VPS37A: variants seen among roughly 807,000 people sequenced by gnomAD.
The protein encoded by VPS37A is vacuolar protein sorting-associated protein 37A.
Under a neutral mutation model 49.8 loss-of-function variants are expected in VPS37A, and 30 were observed. The observed-to-expected ratio is 0.60, with a 90% CI of 0.45 to 0.82. VPS37A has a LOEUF of 0.82. Among genes scored for constraint, VPS37A ranks in the 40% least tolerant of loss-of-function variants. The pLI is 0.00. For synonymous variants in VPS37A, 195 were observed against 160.6 expected (o/e 1.21, Z -1.62); for missense variants, 593 against 464.4 (o/e 1.28, Z -2.55).
intron 6 of VPS37A, among the ~76,000 whole-genome samples, chr8:17,277,443 G>C (rs751707432): frequency 1.3e-4 from 19 of 151,852 alleles, no homozygotes; most frequent in Non-Finnish European, 2.4e-4. Context: ...CTAGTATAAT[G>C]AGCCACCACG....
chr8:17,258,040 G>A (rs542736637), intron 1 of VPS37A, among the ~76,000 whole-genome samples: 2 of 151,918 alleles, frequency 1.3e-5, no homozygotes, highest in Non-Finnish European at 2.9e-5. Flanking sequence ...TTGTTTGTCT[G>A]TTTTTTTGGT....
At chr8:17,331,952 G>C in the VPS37A span, among the ~76,000 whole-genome samples, 1 of 152,166 alleles carries the variant, frequency 6.6e-6, no homozygotes, top group African/African-American at 2.4e-5. Flanking sequence ...GGGTCTCCAA[G>C]TGCAAACTAG....
chr8:17,308,321 C>G, the VPS37A span, among the ~76,000 whole-genome samples: 11 of 151,994 alleles, frequency 7.2e-5, no homozygotes, highest in African/African-American at 2.7e-4. Flanking sequence ...TAATAGAACC[C>G]CAAACTGAAA....
intron 4 of VPS37A, among the ~76,000 whole-genome samples, chr8:17,269,839 C>T (rs1230533840): frequency 2.0e-5 from 3 of 152,090 alleles, no homozygotes; most frequent in Non-Finnish European, 4.4e-5. Flanking sequence ...ACTAAAGATA[C>T]TGTTTTAGTC....
At chr8:17,290,824 G>T (rs765037112) in intron 11 of VPS37A, among the ~76,000 whole-genome samples, 2 of 152,030 alleles carry the variant, frequency 1.3e-5, no homozygotes, top group Non-Finnish European at 2.9e-5. Context: ...TTTTTTGGTT[G>T]GTGAGCTATT....
Position 17,274,746 on chromosome 8 carries a change from C to T in VPS37A, c.430C>T (p.Pro144Ser). 1 of 1,613,790 alleles carries T rather than the reference C, an allele frequency of 6.2e-7. No homozygotes were observed. The highest frequency in any genetic ancestry group is 8.5e-7 in the Non-Finnish European group (1 of 1,179,776). ...STAFPYLYSN[P>S]SGMSPYASQG... ...TTTTCTTTTCAGTCTATACAGTAAC[C>T]CAAGTGGGATGTCTCCTTATGCTTC... Residue 144 changes from proline (P) to serine (S), a missense_variant, in exon 5 of 12, where the codon CCA becomes TCA. Coordinates refer to ENST00000324849, the MANE Select transcript of VPS37A (RefSeq NM_152415.3).
At chr8:17,259,006 T>A (rs1288789778) in intron 1 of VPS37A, among the ~76,000 whole-genome samples, 1 of 152,102 alleles carries the variant, frequency 6.6e-6, no homozygotes, top group African/African-American at 2.4e-5. Context: ...CTAGTTCATC[T>A]AGCTAAAGGC....
At chr8:17,315,841 G>A in the VPS37A span, among the ~76,000 whole-genome samples, 3 of 152,086 alleles carry the variant, frequency 2.0e-5, no homozygotes, top group Admixed American at 2.0e-4. Context: ...GTGAGACTCA[G>A]GCTCTACAAA....
At chr8:17,252,570 C>T (rs780497008) in intron 1 of VPS37A, among the ~76,000 whole-genome samples, 7 of 152,158 alleles carry the variant, frequency 4.6e-5, no homozygotes, top group Middle Eastern at 3.2e-3. Context: ...TGTCCCCTGT[C>T]GTCTCTAACT....
At chr8:17,250,591 C>T (rs534937997) in intron 1 of VPS37A, among the ~76,000 whole-genome samples, 29 of 152,278 alleles carry the variant, frequency 1.9e-4, no homozygotes, top group African/African-American at 6.0e-4. Flanking sequence ...TTCTTCTGCT[C>T]TACTGAGTAA....
chr8:17,317,239 G>A, the VPS37A span, among the ~76,000 whole-genome samples: 1 of 152,186 alleles, frequency 6.6e-6, no homozygotes, highest in African/African-American at 2.4e-5. Flanking sequence ...CAGGATGCTG[G>A]CTGGCAGTGC....
chr8:17,330,272 C>T, the VPS37A span, among the ~76,000 whole-genome samples: 1 of 152,206 alleles, frequency 6.6e-6, no homozygotes, highest in African/African-American at 2.4e-5. Flanking sequence ...CATTCCAGAG[C>T]CTGCATTTCC....
At chr8:17,313,841 A>G in the VPS37A span, among the ~76,000 whole-genome samples, 1 of 152,226 alleles carries the variant, frequency 6.6e-6, no homozygotes, top group Admixed American at 6.5e-5. Flanking sequence ...ACTTCAGATT[A>G]GGACTGTTGT....
the VPS37A span, among the ~76,000 whole-genome samples, chr8:17,316,464 TA>T: frequency 0.33 from 47,266 of 143,294 alleles, 7,783 homozygotes; most frequent in South Asian, 0.5. Context: ...AACAGTACAG[TA>T]AAAAAAAAAA....
chr8:17,311,774 G>GC, the VPS37A span: 57 of 1,363,920 alleles, frequency 4.2e-5, no homozygotes, highest in Non-Finnish European at 4.4e-5. Context: ...TCTGTTTAGG[G>GC]CCCCCCCTAA....
chr8:17,297,609 C>G lies in VPS37A; in HGVS notation c.*2623C>G, dbSNP rs1816784748. The G allele has an allele frequency of 6.6e-6, 1 of 151,964 alleles. No homozygotes were observed. The highest frequency in any genetic ancestry group is 6.6e-5 in the Admixed American group (1 of 15,240). The allele number at this position is 151,964 out of a possible 1,614,324, so 9.4% of individuals were successfully genotyped here. A position where few individuals can be genotyped will look rare whatever the true frequency, so the allele number is the denominator to read the frequency against. On this transcript the variant is annotated 3_prime_UTR_variant, in exon 12 of 12. Transcript: ENST00000324849. ...TAAATTACTTGCATTCTATATATTA[C>G]TAATTGGGAAGTAATATGCCTCAAA...
chr8:17,270,629 G>C (rs949192301), intron 4 of VPS37A, among the ~76,000 whole-genome samples: 1 of 152,158 alleles, frequency 6.6e-6, no homozygotes, highest in Admixed American at 6.6e-5. Flanking sequence ...ATTGAAAGGG[G>C]AGGGAAAGTA....
At chr8:17,290,689 T>C (rs568995286) in intron 11 of VPS37A, among the ~76,000 whole-genome samples, 3 of 152,352 alleles carry the variant, frequency 2.0e-5, no homozygotes, top group Admixed American at 2.0e-4. Flanking sequence ...GATGCTGGCC[T>C]CATACAATCA....
intron 4 of VPS37A, among the ~76,000 whole-genome samples, chr8:17,269,358 A>C (rs1813772207): frequency 1.3e-5 from 2 of 152,146 alleles, no homozygotes; most frequent in South Asian, 4.1e-4. Context: ...TGCTGAGCCA[A>C]GTATGTTACC....
Sources: gnomAD v4.1 joint callset for allele counts (sites outside exome capture counted in the v4.1 genomes callset) on GRCh38, gnomAD v4.1.1 for gene constraint, MANE v1.5 for transcripts, NCBI Gene and HGNC (gene_info 2026-07-23, HGNC 2026-07-21) for gene names.